The following DOCK11 variants were observed in gnomAD, a reference collection of about 807,000 sequenced individuals.
The protein encoded by DOCK11 is dedicator of cytokinesis 11.
A neutral mutation model predicts 169.1 loss-of-function variants in DOCK11; 70 were observed. That is an observed-to-expected ratio of 0.41 (90% CI 0.34 to 0.51). DOCK11 has a LOEUF of 0.51. Ranked by LOEUF, DOCK11 falls within the 20% of genes least tolerant of loss-of-function variation. The probability of loss-of-function intolerance (pLI) is 0.10; values close to 1 mark genes in which losing one functional copy is unlikely to be tolerated. For missense variants in DOCK11, 1,166 were observed against 1,538.8 expected (o/e 0.76, Z 4.05); for synonymous variants, 529 against 541.3 (o/e 0.98, Z 0.32).
At chrX:118,543,050 C>T in intron 3 of DOCK11, 35 bp downstream of exon 3, 1 of 1,035,541 alleles carries the variant, frequency 9.7e-7, no homozygotes, top group Non-Finnish European at 1.3e-6. Flanking sequence ...GAATATTCTT[C>T]ATATATTTAA....
intron 45 of DOCK11, among the ~76,000 whole-genome samples, chrX:118,668,166 TG>T (rs771895387): frequency 3.6e-5 from 4 of 111,914 alleles, no homozygotes; most frequent in Non-Finnish European, 7.5e-5. Context: ...ATAGAAGTGG[TG>T]AGAGCAGACA....
intron 44 of DOCK11, among the ~76,000 whole-genome samples, chrX:118,661,265 C>G (rs1603174565): frequency 9.1e-6 from 1 of 109,816 alleles, no homozygotes; most frequent in East Asian, 2.8e-4. Flanking sequence ...AGCAGACTTT[C>G]ATCTTTCTCT....
intron 12 of DOCK11, among the ~76,000 whole-genome samples, chrX:118,575,822 G>GT (rs1295608947): frequency 8.9e-6 from 1 of 112,244 alleles, no homozygotes; most frequent in East Asian, 2.8e-4. Flanking sequence ...TGTATTTCCC[G>GT]TATTACTTCA....
chrX:118,647,695 T>TATATAATAAG (rs2015742312), intron 40 of DOCK11, among the ~76,000 whole-genome samples: 3 of 54,563 alleles, frequency 5.5e-5, no homozygotes, highest in African/African-American at 2.4e-4. Context: ...TATATTATAA[T>TATATAATAAG]ATAATATATA....
intron 1 of DOCK11, among the ~76,000 whole-genome samples, chrX:118,509,121 C>T (rs777615896): frequency 1.8e-5 from 2 of 111,917 alleles, no homozygotes; most frequent in Non-Finnish European, 3.8e-5. Flanking sequence ...TAGCTAACCC[C>T]CTGCCTCAGT....
At chrX:118,516,474 C>T (rs1476759978) in intron 1 of DOCK11, among the ~76,000 whole-genome samples, 5 of 102,909 alleles carry the variant, frequency 4.9e-5, no homozygotes, top group African/African-American at 7.2e-5. Flanking sequence ...CTCACACTCG[C>T]TCTGTTGCCC....
intron 6 of DOCK11, among the ~76,000 whole-genome samples, chrX:118,559,690 C>CCT (rs2012840232): frequency 9.1e-6 from 1 of 109,826 alleles, no homozygotes; most frequent in Non-Finnish European, 1.9e-5. Flanking sequence ...TCGAGACCAG[C>CCT]ATGGGCAACA....
rs6645503 is a variant in DOCK11, at chrX:118,555,472, G to A, written c.559-5911G>A. ...CTTGAGAGGCTGAGGTGGGAGGATC[G>A]CTTGAACCCAGGAGGCTGAGGTTGC... On this transcript the variant is annotated intron_variant, in intron 6 of 52. Transcript: ENST00000276202. Among the ~76,000 whole-genome samples the A allele has an allele frequency of 9.6e-3, 1,061 of 110,329 alleles. 5 individuals are homozygous for A. The highest frequency in any genetic ancestry group is 0.033 in the African/African-American group (1,007 of 30,245).
At chrX:118,533,310 A>G in intron 1 of DOCK11, among the ~76,000 whole-genome samples, 1 of 112,197 alleles carries the variant, frequency 8.9e-6, no homozygotes, top group Non-Finnish European at 1.9e-5. Context: ...CTTTTAGAAT[A>G]TATTATCTCA....
chrX:118,572,427 C>G lies in DOCK11; in HGVS notation c.1140C>G (p.Gly380=), dbSNP rs2013306863. 8.3e-7 allele frequency: 1 copy of G among 1,202,542 alleles called. No individual in the cohort carries two copies. The highest frequency in any genetic ancestry group is 2.2e-5 in the Admixed American group (1 of 45,438). ...NCHDLTFNIL[G]QIGDNAKGPP... ...ATGATTTAACTTTCAATATCTTGGG[C>G]CAAATTGGAGACAATGCAAAAGGAC... Residue 380 remains glycine, a synonymous_variant, in exon 11 of 53, where the codon GGC becomes GGG. Coordinates refer to ENST00000276202, the MANE Select transcript of DOCK11 (RefSeq NM_144658.4).
At chrX:118,624,202 C>G (rs2015042460) in intron 31 of DOCK11, among the ~76,000 whole-genome samples, 1 of 112,979 alleles carries the variant, frequency 8.9e-6, no homozygotes, top group African/African-American at 3.2e-5. Context: ...GACACTGTCC[C>G]TGCTCTCATG....
chrX:118,633,694 C>T (rs2015310040), intron 35 of DOCK11: 1 of 111,843 alleles, frequency 8.9e-6, no homozygotes, highest in South Asian at 3.7e-4. Context: ...CCTTTGTGCT[C>T]GTAGGTTTCA....
intron 10 of DOCK11, among the ~76,000 whole-genome samples, chrX:118,570,980 A>AT (rs1220804822): frequency 1.8e-5 from 2 of 111,761 alleles, no homozygotes; most frequent in Admixed American, 1.9e-4. Flanking sequence ...AATACCAATA[A>AT]TTTTTAAAAA....
chrX:118,546,293 A>C (rs1324897403), intron 6 of DOCK11, among the ~76,000 whole-genome samples, 177 bp downstream of exon 6: 3 of 109,091 alleles, frequency 2.8e-5, no homozygotes, highest in African/African-American at 1.0e-4. Context: ...TAAATTTAGA[A>C]GTGCAACTTT....
At chrX:118,643,820 T>A (rs1210747164) in intron 40 of DOCK11, among the ~76,000 whole-genome samples, 1 of 111,901 alleles carries the variant, frequency 8.9e-6, no homozygotes. Flanking sequence ...TACCTTCCCT[T>A]TTCCATTAAG....
At chrX:118,623,381 C>T (rs1245592912) in intron 31 of DOCK11, among the ~76,000 whole-genome samples, 1 of 112,507 alleles carries the variant, frequency 8.9e-6, no homozygotes, top group East Asian at 2.8e-4. Context: ...AAAGGACCTT[C>T]CTAATAGAAC....
At chrX:118,557,977 T>C (rs1460881695) in intron 6 of DOCK11, among the ~76,000 whole-genome samples, 6 of 89,033 alleles carry the variant, frequency 6.7e-5, no homozygotes, top group African/African-American at 2.5e-4. Flanking sequence ...TGTGTGAACC[T>C]TTTTTTTTTT....
chrX:118,606,643 A>G (rs977049219), intron 24 of DOCK11, among the ~76,000 whole-genome samples: 11 of 111,482 alleles, frequency 9.9e-5, no homozygotes, highest in Non-Finnish European at 1.1e-4. Flanking sequence ...TGTTGCCACA[A>G]CCTCTTCCAG....
At chrX:118,656,827 C>G (rs1466342973) in intron 44 of DOCK11, among the ~76,000 whole-genome samples, 1 of 110,930 alleles carries the variant, frequency 9.0e-6, no homozygotes, top group Non-Finnish European at 1.9e-5. Context: ...CCCAACTACT[C>G]AGAAGGCTGA....
Sources: gnomAD v4.1 joint callset for allele counts (sites outside exome capture counted in the v4.1 genomes callset) on GRCh38, gnomAD v4.1.1 for gene constraint, MANE v1.5 for transcripts, NCBI Gene and HGNC (gene_info 2026-07-23, HGNC 2026-07-21) for gene names.